Variants in GABBR2 observed in about 807,000 individuals in gnomAD.
GABBR2 encodes G-protein coupled receptor 51.
A neutral mutation model predicts 105.6 loss-of-function variants in GABBR2; 23 were observed. The observed-to-expected ratio is 0.22, with a 90% CI of 0.16 to 0.31. The LOEUF (loss-of-function observed/expected upper bound fraction) is 0.31. GABBR2 is among the 10% of genes least tolerant of loss of function. GABBR2 has a pLI of 1.00. For synonymous variants in GABBR2, 478 were observed against 499.7 expected (o/e 0.96, Z 0.58); for missense variants, 734 against 1,245.5 (o/e 0.59, Z 6.18).
intron 7 of GABBR2, among the ~76,000 whole-genome samples, chr9:98,413,659 G>A (rs1236495784): frequency 1.3e-5 from 2 of 152,204 alleles, no homozygotes; most frequent in Admixed American, 6.5e-5. Flanking sequence ...GCCAGCCTTC[G>A]GCGGGTGGAC....
At chr9:98,402,370 T>C (rs540520495) in intron 8 of GABBR2, among the ~76,000 whole-genome samples, 57 of 152,278 alleles carry the variant, frequency 3.7e-4, no homozygotes, top group Non-Finnish European at 7.1e-4. Flanking sequence ...TTCATCCTCA[T>C]CTACACGTGG....
At chr9:98,634,234 C>T (rs558192484) in intron 1 of GABBR2, among the ~76,000 whole-genome samples, 4 of 152,266 alleles carry the variant, frequency 2.6e-5, no homozygotes, top group South Asian at 2.1e-4. Context: ...GGAGGCCTAG[C>T]CAAAAAGAAT....
rs7859345 is a variant in GABBR2, at chr9:98,299,523, G to A, written c.2413-170C>T. On this transcript the variant is annotated intron_variant, in intron 16 of 18. Coordinates refer to ENST00000259455, the MANE Select transcript of GABBR2 (RefSeq NM_005458.8). ...TGAGGAGATGCAGAAGGATCCTGGCGGCTCTTTGTTCAAGGAGAAGCTATG... is the reference window on the plus strand; with the variant it reads ...TGAGGAGATGCAGAAGGATCCTGGCAGCTCTTTGTTCAAGGAGAAGCTATG... Among the ~76,000 whole-genome samples the A allele has an allele frequency of 0.076, 11,532 of 152,220 alleles. 1,496 individuals are homozygous for A. The highest frequency in any genetic ancestry group is 0.26 in the African/African-American group (10,913 of 41,488).
chr9:98,534,169 C>T (rs1235773183), intron 3 of GABBR2, among the ~76,000 whole-genome samples: 1 of 152,186 alleles, frequency 6.6e-6, no homozygotes, highest in Non-Finnish European at 1.5e-5. Context: ...AGGGCAGGTG[C>T]TTTGAAGAGG....
chr9:98,568,579 G>T (rs1157210097), intron 2 of GABBR2, among the ~76,000 whole-genome samples: 1 of 152,128 alleles, frequency 6.6e-6, no homozygotes, highest in Non-Finnish European at 1.5e-5. Flanking sequence ...GAGATTTGGG[G>T]CAAATGAGGT....
At chr9:98,575,853 A>C (rs1217297817) in intron 2 of GABBR2, among the ~76,000 whole-genome samples, 1 of 152,166 alleles carries the variant, frequency 6.6e-6, no homozygotes, top group African/African-American at 2.4e-5. Flanking sequence ...TCCGGCCACA[A>C]GGAATGACTC....
At chr9:98,649,622 T>C (rs1830077882) in intron 1 of GABBR2, among the ~76,000 whole-genome samples, 1 of 152,122 alleles carries the variant, frequency 6.6e-6, no homozygotes, top group Non-Finnish European at 1.5e-5. Flanking sequence ...GGGACTAAGG[T>C]TCAGTCACTT....
chr9:98,701,559 G>A (rs1282942489), intron 1 of GABBR2, among the ~76,000 whole-genome samples: 3 of 152,098 alleles, frequency 2.0e-5, no homozygotes, highest in African/African-American at 4.8e-5. Context: ...AAGCAGACTC[G>A]AATCGATGCA....
At chr9:98,316,502 A>G (rs1830721218) in intron 13 of GABBR2, among the ~76,000 whole-genome samples, 1 of 152,234 alleles carries the variant, frequency 6.6e-6, no homozygotes. Context: ...CAATTGCCTA[A>G]GAAATCATTC....
At chr9:98,606,948 C>A (rs370641749) in intron 1 of GABBR2, 2 of 717,526 alleles carry the variant, frequency 2.8e-6, no homozygotes, top group African/African-American at 3.5e-5. Context: ...TTCCTGCTTG[C>A]CCGCGGCTCC....
chr9:98,695,256 G>A (rs1051784278), intron 1 of GABBR2, among the ~76,000 whole-genome samples: 1 of 152,160 alleles, frequency 6.6e-6, no homozygotes. Flanking sequence ...CTCTGTCCTG[G>A]GCTTTGGGGC....
chr9:98,691,668 G>A (rs915039813), intron 1 of GABBR2, among the ~76,000 whole-genome samples: 38 of 152,188 alleles, frequency 2.5e-4, no homozygotes, highest in African/African-American at 7.5e-4. Context: ...GTCTCTTGCG[G>A]TCAGTCACCT....
chr9:98,513,845 G>T (rs1184251685), intron 3 of GABBR2, among the ~76,000 whole-genome samples: 1 of 152,164 alleles, frequency 6.6e-6, no homozygotes. Context: ...GGAAGTCAGT[G>T]CGGCGATTCC....
chr9:98,556,774 G>T (rs532921864), intron 2 of GABBR2, among the ~76,000 whole-genome samples: 1 of 152,192 alleles, frequency 6.6e-6, no homozygotes, highest in Non-Finnish European at 1.5e-5. Context: ...GACCGGGTGC[G>T]GTGGCTGACG....
chr9:98,579,143 TA>T (rs1184059720), intron 1 of GABBR2, among the ~76,000 whole-genome samples: 2 of 152,062 alleles, frequency 1.3e-5, no homozygotes, highest in African/African-American at 2.4e-5. Context: ...ACCACAGTCT[TA>T]AAAAAATGAT....
At chr9:98,602,642 G>T (rs895316733) in intron 1 of GABBR2, among the ~76,000 whole-genome samples, 1 of 152,210 alleles carries the variant, frequency 6.6e-6, no homozygotes, top group African/African-American at 2.4e-5. Context: ...CAATAACGAT[G>T]ATCATAATAA....
chr9:98,516,219 G>C (rs992901695), intron 3 of GABBR2: 6 of 152,318 alleles, frequency 3.9e-5, no homozygotes, highest in African/African-American at 1.4e-4. Flanking sequence ...ATCAGAGAAT[G>C]GTAATAAAAG....
intron 2 of GABBR2, among the ~76,000 whole-genome samples, chr9:98,554,461 G>A (rs1261794358): frequency 6.6e-6 from 1 of 152,154 alleles, no homozygotes; most frequent in Non-Finnish European, 1.5e-5. Context: ...GATTCTCTAA[G>A]ATGGTCCAAT....
At chr9:98,512,681 A>G (rs902435537) in intron 3 of GABBR2, among the ~76,000 whole-genome samples, 1 of 151,900 alleles carries the variant, frequency 6.6e-6, no homozygotes, top group African/African-American at 2.4e-5. Flanking sequence ...TAAAATACCT[A>G]GGAATCCAAC....
Sources: allele counts gnomAD v4.1 joint callset (sites outside exome capture counted in the v4.1 genomes callset), GRCh38; gene constraint gnomAD v4.1.1; transcripts MANE v1.5; gene names NCBI Gene and HGNC (gene_info 2026-07-23, HGNC 2026-07-21).